The following SMARCA4 variants were observed in gnomAD, a reference collection of about 807,000 sequenced individuals.
SMARCA4 encodes SWI/SNF related BAF chromatin remodeling complex subunit ATPase 4.
In SMARCA4, 31 loss-of-function variants were observed where a neutral mutation model predicts 193.9. The ratio of observed to expected loss-of-function variants is 0.16; its 90% confidence interval spans 0.12 to 0.22. The LOEUF is 0.22. Ranked by LOEUF, SMARCA4 falls within the 10% of genes least tolerant of loss-of-function variation. SMARCA4 has a pLI of 1.00. For synonymous variants in SMARCA4, 942 were observed against 933.1 expected, an observed-to-expected ratio of 1.01 and a Z score of -0.17; for missense variants, 1,148 against 2,296.0, an observed-to-expected ratio of 0.50 and a Z score of 10.22.
At position 11,032,959 on chromosome 19, in the gene SMARCA4, C is replaced by G; in HGVS notation, c.3547-331C>G. ...AATGGTGCTCGACTGTGTAGGTCCA[C>G]GCTGTGGGGAGCTGTGCCGCTGCCA... On this transcript the variant is annotated intron_variant, in intron 25 of 34. Transcript: ENST00000344626. 1.6e-5 allele frequency: 7 copies of G among 424,800 alleles called. 1 individual carries two copies. The highest frequency in any genetic ancestry group is 1.5e-4 in the South Asian group (7 of 47,206). The allele number at this position is 424,800 out of a possible 1,614,324, so 26.3% of individuals were successfully genotyped here.
At position 11,003,067 on chromosome 19, in the gene SMARCA4, G is replaced by A. The variant is rs1057252091; in HGVS notation, c.1851G>A (p.Val617=). The change falls in exon 12 of 35, where the codon GTG becomes GTA. Residue 617 remains valine, a synonymous_variant. Transcript: ENST00000344626. Reference sequence around the variant, plus strand: ...CCAGCCAGATGAGCGACCTCCCGGTGAAGGTGATCCACGTGGAGAGTGGGA... The same window carrying A: ...CCAGCCAGATGAGCGACCTCCCGGTAAAGGTGATCCACGTGGAGAGTGGGA... ...DETSQMSDLP[V]KVIHVESGKI... is the part of the protein sequence containing the mutation. 6.2e-7 allele frequency: 1 copy of A among 1,614,184 alleles called. No individual in the cohort carries two copies. The highest frequency in any genetic ancestry group is 8.5e-7 in the Non-Finnish European group (1 of 1,180,024).
At chr19:11,039,691 A>T in intron 29 of SMARCA4, 1 of 430,540 alleles carries the variant, frequency 2.3e-6, no homozygotes, top group Non-Finnish European at 4.1e-6. Flanking sequence ...ATATTTTTTT[A>T]AATGCCCAGC....
chr19:10,974,209 G>C (rs1026098493), intron 1 of SMARCA4, among the ~76,000 whole-genome samples: 3 of 152,166 alleles, frequency 2.0e-5, no homozygotes, highest in Non-Finnish European at 4.4e-5. Flanking sequence ...GGTCACCGCA[G>C]TGCTTTAAGA....
At chr19:11,051,548 T>TG in intron 30 of SMARCA4, among the ~76,000 whole-genome samples, 1 of 150,558 alleles carries the variant, frequency 6.6e-6, no homozygotes, top group South Asian at 2.1e-4. Flanking sequence ...TGGAGTGCAG[T>TG]AGCCTGATCT....
At chr19:11,015,607 C>T (rs1214764439) in intron 16 of SMARCA4, among the ~76,000 whole-genome samples, 3 of 152,198 alleles carry the variant, frequency 2.0e-5, no homozygotes, top group African/African-American at 7.2e-5. Context: ...CGTACTTCGA[C>T]ACTTGTGAAT....
intron 1 of SMARCA4, among the ~76,000 whole-genome samples, chr19:10,966,606 G>GAAGGATAA (rs1210969543): frequency 1.3e-5 from 2 of 151,934 alleles, no homozygotes; most frequent in Non-Finnish European, 2.9e-5. Flanking sequence ...CGGGGGTTGG[G>GAAGGATAA]CTGGGCGCGG....
At chr19:11,018,030 C>T (rs931829798) in intron 16 of SMARCA4, among the ~76,000 whole-genome samples, 4 of 152,264 alleles carry the variant, frequency 2.6e-5, no homozygotes, top group Admixed American at 1.3e-4. Flanking sequence ...CACAGCCATG[C>T]GTCCTTCTGT....
Position 10,989,332 on chromosome 19 carries a change from C to A in SMARCA4, c.1134C>A (p.Ile378=), listed in dbSNP as rs372803010. The A allele has an allele frequency of 2.5e-6, 4 of 1,614,128 alleles. No individual in the cohort carries two copies. Among genetic ancestry groups the A allele is most frequent in the Non-Finnish European group, 3.4e-6 (4 of 1,180,014 alleles). The change falls in exon 7 of 35, where the codon ATC becomes ATA. Residue 378 remains isoleucine, a synonymous_variant. Coordinates refer to ENST00000344626, the MANE Select transcript of SMARCA4 (RefSeq NM_003072.5). ...CTGCTCCCAGGCTGCAGGCTCGCAT[C>A]GCACACCGAATTCAGGAACTTGAAA... ...QEREYRLQAR[I]AHRIQELENL... is the part of the protein sequence containing the mutation.
chr19:11,014,048 A>G (rs1045146253), intron 16 of SMARCA4, among the ~76,000 whole-genome samples: 2 of 152,134 alleles, frequency 1.3e-5, no homozygotes, highest in Admixed American at 6.5e-5. Context: ...ATGTCCAGCA[A>G]GCAGACAGTC....
At chr19:10,963,349 T>G (rs957254152) in intron 1 of SMARCA4, among the ~76,000 whole-genome samples, 3 of 126,512 alleles carry the variant, frequency 2.4e-5, no homozygotes, top group Admixed American at 9.8e-5. Context: ...TTCCAGCCTG[T>G]GCACCAGAGT....
rs2076649623 is a variant in SMARCA4, at chr19:11,058,151, G to C, written c.4425-104G>C. On this transcript the variant is annotated intron_variant, in intron 30 of 34. Coordinates refer to ENST00000344626, the MANE Select transcript of SMARCA4 (RefSeq NM_003072.5). This position sits in a 1 kb window ranked among gnomAD's most constrained non-coding sequence, Gnocchi z 5.8. ...GTGCAAGAAATAGCTCCTGAGCTGAGTTGGAATTTCTCATCCTTAAACAAT... is the reference window on the plus strand; with the variant it reads ...GTGCAAGAAATAGCTCCTGAGCTGACTTGGAATTTCTCATCCTTAAACAAT... The C allele has an allele frequency of 1.3e-6, 1 of 766,446 alleles. No individual in the cohort carries two copies. Among genetic ancestry groups the C allele is most frequent in the Non-Finnish European group, 2.3e-6 (1 of 433,764 alleles). The allele number at this position is 766,446 out of a possible 1,614,324, so 47.5% of individuals were successfully genotyped here. A position where few individuals can be genotyped will look rare whatever the true frequency, so the allele number is the denominator to read the frequency against.
rs1032339475 is a variant in SMARCA4, at chr19:11,058,477, C to T, written c.4533+114C>T. The T allele has an allele frequency of 3.7e-5, 30 of 806,818 alleles. 1 individual carries two copies. The highest frequency in any genetic ancestry group is 7.9e-5 in the East Asian group (3 of 37,824). The allele number at this position is 806,818 out of a possible 1,614,324, so 50.0% of individuals were successfully genotyped here. ...GCAGAATGACCAGAAACCACCTAGG[C>T]GGTGCCTTGGGCTACCTGGTTAGGG... On this transcript the variant is annotated intron_variant, in intron 31 of 34. Transcript: ENST00000344626. The surrounding 1 kb of genome is among the most constrained non-coding windows in gnomAD (Gnocchi z 5.8).
intron 14 of SMARCA4, among the ~76,000 whole-genome samples, chr19:11,009,591 A>G (rs1455390297): frequency 2.0e-5 from 3 of 147,056 alleles, no homozygotes. Context: ...CGATCTCTTG[A>G]CTCACTGCAG....
intron 16 of SMARCA4, among the ~76,000 whole-genome samples, chr19:11,015,575 G>A (rs971646730): frequency 2.6e-5 from 4 of 152,294 alleles, no homozygotes; most frequent in East Asian, 3.9e-4. Flanking sequence ...TACACTTTCC[G>A]TTAATAACTG....
intron 19 of SMARCA4, 124 bp from the exon 20 acceptor site, chr19:11,023,394 G>A: frequency 1.4e-6 from 1 of 710,416 alleles, no homozygotes. Context: ...AAAGCCACGT[G>A]CCAAGGGCAA....
intron 30 of SMARCA4, among the ~76,000 whole-genome samples, chr19:11,050,475 C>T (rs1334386441): frequency 6.6e-6 from 1 of 152,262 alleles, no homozygotes; most frequent in Non-Finnish European, 1.5e-5. Context: ...GACGCCAGCA[C>T]TGTGTGCACT....
At chr19:11,051,028 C>T (rs981521022) in intron 30 of SMARCA4, among the ~76,000 whole-genome samples, 1 of 152,262 alleles carries the variant, frequency 6.6e-6, no homozygotes, top group Non-Finnish European at 1.5e-5. Context: ...CTGGGTCCAA[C>T]ATAACCATGG....
chr19:10,990,091 GTCC>G (rs759191510), intron 7 of SMARCA4, among the ~76,000 whole-genome samples: 18 of 152,160 alleles, frequency 1.2e-4, no homozygotes, highest in Non-Finnish European at 2.1e-4. Flanking sequence ...CCAGGCTCAT[GTCC>G]TCCTCCCGCT....
Position 10,968,026 on chromosome 19 carries a change from A to G in SMARCA4, c.-32+6852A>G, listed in dbSNP as rs112479571. On this transcript the variant is annotated intron_variant, in intron 1 of 34. Coordinates refer to ENST00000344626, the MANE Select transcript of SMARCA4 (RefSeq NM_003072.5). ...CGAGTAGCTGAGACTACAGGCGCCC[A>G]CCACCATGCCCTGCGGGGGTTTCAC... Among the ~76,000 whole-genome samples the G allele has an allele frequency of 1.8e-3, 277 of 150,790 alleles. 2 individuals are homozygous for G. The highest frequency in any genetic ancestry group is 7.0e-3 in the Middle Eastern group (2 of 286).
Sources: gnomAD v4.1 joint callset for allele counts (sites outside exome capture counted in the v4.1 genomes callset) on GRCh38, gnomAD v4.1.1 for gene constraint, Gnocchi (gnomAD v3.1) non-coding constraint, MANE v1.5 for transcripts, NCBI Gene and HGNC (gene_info 2026-07-23, HGNC 2026-07-21) for gene names.